SGCD: variants seen among roughly 807,000 people sequenced by gnomAD.
SGCD encodes delta-sarcoglycan.
A neutral mutation model predicts 36.6 loss-of-function variants in SGCD; 18 were observed. The observed-to-expected ratio is 0.49, with a 90% confidence interval of 0.34 to 0.73. The LOEUF (loss-of-function observed/expected upper bound fraction) is 0.73, where lower values mean the gene tolerates loss of function less well. SGCD is among the 30% of genes least tolerant of loss of function. The pLI is 0.01. For missense variants in SGCD, 387 were observed against 346.7 expected (o/e 1.12, Z -0.92); for synonymous variants, 133 against 130.6 (o/e 1.02, Z -0.12).
At chr5:155,799,083 G>A in the SGCD span, among the ~76,000 whole-genome samples, 7 of 152,088 alleles carry the variant, frequency 4.6e-5, no homozygotes, top group African/African-American at 1.7e-4. Flanking sequence ...TATTGTCCAA[G>A]GGACAAAGCC....
rs541555245 is a variant in SGCD at position 156,368,518 on chromosome 5, A to G, written c.192+23841A>G. On this transcript the variant is annotated intron_variant, in intron 3 of 8. Transcript: ENST00000337851. ...AGGATTTTTTTGTTACTTGCAGTAC[A>G]TTTCTTATTCTGTCAAGGCTTCTGT... Among the ~76,000 whole-genome samples the G allele has an allele frequency of 2.0e-5, 3 of 152,312 alleles. No individual in the cohort carries two copies. In the South Asian group the frequency reaches 6.2e-4, roughly 32 times the overall value.
chr5:155,966,688 G>T (rs897313477), intron 1 of SGCD, among the ~76,000 whole-genome samples: 19 of 152,118 alleles, frequency 1.2e-4, no homozygotes, highest in Admixed American at 4.6e-4. Flanking sequence ...AAATGGAAGT[G>T]ATAATAATGG....
intron 3 of SGCD, among the ~76,000 whole-genome samples, chr5:156,431,808 C>A (rs1325443523): frequency 6.6e-6 from 1 of 152,072 alleles, no homozygotes; most frequent in Non-Finnish European, 1.5e-5. Flanking sequence ...CTCTGCCTCC[C>A]CAGTTCAGGT....
chr5:156,577,927 C>T (rs2113319571), intron 4 of SGCD, among the ~76,000 whole-genome samples: 1 of 152,274 alleles, frequency 6.6e-6, no homozygotes, highest in Non-Finnish European at 1.5e-5. Context: ...TTCCTGATTG[C>T]CCTGGCCAGA....
rs1759940539 is a variant in SGCD, at chr5:156,576,164, A to C, written c.295-13067A>C. 7.2e-5 allele frequency among the ~76,000 whole-genome samples: 11 copies of C among 151,876 alleles called. 1 individual carries two copies. In the South Asian group the frequency reaches 2.3e-3, roughly 32 times the overall value. ...TGTTCATTTCCCACCTATGAGTGAG[A>C]ACATGCGGTGTTTGGTTTTCTGTCC... On this transcript the variant is annotated intron_variant, in intron 4 of 8. Coordinates refer to ENST00000337851, the MANE Select transcript of SGCD (RefSeq NM_000337.6).
chr5:156,748,404 T>C (rs1176373812), intron 7 of SGCD, among the ~76,000 whole-genome samples: 1 of 152,202 alleles, frequency 6.6e-6, no homozygotes, highest in African/African-American at 2.4e-5. Flanking sequence ...ATTTCGGTTA[T>C]ATTAAAGACC....
At chr5:156,218,847 A>G (rs1320469110) in intron 3 of SGCD, among the ~76,000 whole-genome samples, 6 of 152,172 alleles carry the variant, frequency 3.9e-5, no homozygotes, top group Admixed American at 1.3e-4. Context: ...AAATTTCCAG[A>G]AAATAATAAA....
At chr5:156,318,841 C>T (rs190789714) in intron 3 of SGCD, among the ~76,000 whole-genome samples, 15 of 152,284 alleles carry the variant, frequency 9.9e-5, no homozygotes, top group African/African-American at 3.4e-4. Context: ...GGTGATCCGC[C>T]TGCCTTGGCC....
At chr5:156,679,836 C>T (rs1753655298) in intron 7 of SGCD, among the ~76,000 whole-genome samples, 1 of 152,162 alleles carries the variant, frequency 6.6e-6, no homozygotes, top group Non-Finnish European at 1.5e-5. Context: ...GATTCTTTCT[C>T]ATATGTATCA....
rs140472154 is a variant in SGCD, at chr5:156,278,046, C to T, written c.-43-51488C>T. Among the ~76,000 whole-genome samples, 188 of 152,106 alleles carry T rather than the reference C, an allele frequency of 1.2e-3. 2 individuals are homozygous for T. Among genetic ancestry groups the T allele is most frequent in the African/African-American group, 3.9e-3 (162 of 41,506 alleles). On this transcript the variant is annotated intron_variant, in intron 3 of 9. Transcript: ENST00000517913. ...AAAAAGGGGAGGGAGCATCAGATTG[C>T]GTTGTAAGGAAAGGTGATGCTTGAG...
chr5:155,928,222 T>C (rs1449060698), intron 1 of SGCD, among the ~76,000 whole-genome samples: 1 of 152,182 alleles, frequency 6.6e-6, no homozygotes, highest in Non-Finnish European at 1.5e-5. Flanking sequence ...GGAAAGGTCC[T>C]TTATAGTCAC....
intron 3 of SGCD, among the ~76,000 whole-genome samples, chr5:156,318,650 A>C (rs4704790): frequency 0.37 from 55,528 of 149,734 alleles, 11,353 homozygotes; most frequent in African/African-American, 0.56. Flanking sequence ...GGATGGAGTG[A>C]AGTGGAGTGA....
chr5:155,933,407 T>A (rs1757135092), intron 1 of SGCD, among the ~76,000 whole-genome samples: 1 of 152,228 alleles, frequency 6.6e-6, no homozygotes, highest in South Asian at 2.1e-4. Flanking sequence ...TTATTTATGG[T>A]TTGTCTCTAC....
chr5:156,212,268 C>T (rs1186430681), intron 3 of SGCD, among the ~76,000 whole-genome samples: 2 of 152,140 alleles, frequency 1.3e-5, no homozygotes, highest in Admixed American at 1.3e-4. Context: ...GCAAGAAACT[C>T]ACTTCTCATT....
chr5:156,607,054 T>A (rs1268594744), intron 6 of SGCD, among the ~76,000 whole-genome samples: 2 of 152,222 alleles, frequency 1.3e-5, no homozygotes, highest in Non-Finnish European at 2.9e-5. Context: ...TCCTGCCTAA[T>A]TGCCCTGGCC....
chr5:155,986,297 T>A (rs1208579554), intron 1 of SGCD, among the ~76,000 whole-genome samples: 1 of 152,214 alleles, frequency 6.6e-6, no homozygotes, highest in Non-Finnish European at 1.5e-5. Context: ...CCTGAACATT[T>A]TCAGTGCATG....
intron 3 of SGCD, among the ~76,000 whole-genome samples, chr5:156,428,765 T>C (rs149615913): frequency 1.3e-5 from 2 of 152,268 alleles, no homozygotes; most frequent in Non-Finnish European, 2.9e-5. Context: ...TAATTTTAAA[T>C]TTCCATCTTG....
intron 1 of SGCD, among the ~76,000 whole-genome samples, chr5:156,025,802 C>A (rs181690329): frequency 1.1e-4 from 16 of 152,258 alleles, no homozygotes; most frequent in Admixed American, 9.8e-4. Flanking sequence ...TTCAGAAAAG[C>A]AAAACACTGT....
chr5:156,267,945 T>G (rs1323222509), intron 3 of SGCD, among the ~76,000 whole-genome samples: 5 of 152,170 alleles, frequency 3.3e-5, no homozygotes, highest in Non-Finnish European at 7.3e-5. Flanking sequence ...GGTATAAAGC[T>G]TAGTACCCAA....
Sources: gnomAD v4.1 joint callset for allele counts (sites outside exome capture counted in the v4.1 genomes callset) on GRCh38, gnomAD v4.1.1 for gene constraint, MANE v1.5 for transcripts, NCBI Gene and HGNC (gene_info 2026-07-23, HGNC 2026-07-21) for gene names.